RALGAPA1: variants seen among roughly 807,000 people sequenced by gnomAD.
RALGAPA1 encodes Ral GTPase activating protein catalytic subunit alpha 1, also known as ral GTPase-activating protein subunit alpha-1.
A neutral mutation model predicts 269.6 loss-of-function variants in RALGAPA1; 52 were observed. The observed-to-expected ratio is 0.19, with a 90% CI of 0.15 to 0.24. RALGAPA1 has a LOEUF of 0.24. Among genes scored for constraint, RALGAPA1 ranks in the 10% least tolerant of loss-of-function variants. The pLI, the probability that RALGAPA1 is intolerant of heterozygous loss-of-function variation, is 1.00. For missense variants in RALGAPA1, 1,917 were observed against 3,013.9 expected (o/e 0.64, Z 8.52); for synonymous variants, 817 against 1,008.3 (o/e 0.81, Z 3.60).
chr14:35,777,240 G>A (rs892281711), intron 1 of RALGAPA1, among the ~76,000 whole-genome samples: 6 of 152,078 alleles, frequency 3.9e-5, no homozygotes, highest in Non-Finnish European at 8.8e-5. Flanking sequence ...AAAGAAAAAC[G>A]TGAGGTATGA....
intron 16 of RALGAPA1, chr14:35,715,879 T>G (rs1186290624): frequency 1.0e-6 from 1 of 985,252 alleles, no homozygotes; most frequent in African/African-American, 1.7e-5. Context: ...CATCACTCCA[T>G]TTTCCACTCA....
chr14:35,640,042 A>C (rs1471014355), intron 31 of RALGAPA1, among the ~76,000 whole-genome samples: 1 of 152,126 alleles, frequency 6.6e-6, no homozygotes, highest in Non-Finnish European at 1.5e-5. Context: ...AACAAATGAT[A>C]ATGGAAACAC....
intron 22 of RALGAPA1, chr14:35,677,340 T>G (rs1239301061): frequency 6.6e-6 from 1 of 152,606 alleles, no homozygotes; most frequent in Admixed American, 6.5e-5. Flanking sequence ...ATGGCATATT[T>G]GCATATGCCA....
chr14:35,660,089 A>T (rs144497234), intron 27 of RALGAPA1, among the ~76,000 whole-genome samples: 1 of 152,130 alleles, frequency 6.6e-6, no homozygotes. Context: ...AAAAGCTGAA[A>T]GGTTTTACTT....
intron 4 of RALGAPA1, among the ~76,000 whole-genome samples, chr14:35,763,791 TATAG>T (rs888600075): frequency 6.8e-5 from 10 of 147,752 alleles, no homozygotes; most frequent in African/African-American, 1.3e-4. Flanking sequence ...TATATATATA[TATAG>T]AGAGAGAGAG....
chr14:35,677,243 G>A lies in RALGAPA1; in HGVS notation c.4624+707C>T, dbSNP rs1041462967. Reference sequence around the variant, plus strand: ...ATATAGTTTTAAATTTCTTCCTTTCGTCAGAGAATAAATGTGCTACCTTAT... The same window carrying A: ...ATATAGTTTTAAATTTCTTCCTTTCATCAGAGAATAAATGTGCTACCTTAT... On this transcript the variant is annotated intron_variant, in intron 22 of 41. Transcript: ENST00000680220. 10 of 152,204 alleles carry A rather than the reference G, an allele frequency of 6.6e-5. No homozygotes were observed. In the South Asian group the frequency reaches 1.0e-3, roughly 16 times the overall value. The allele number at this position is 152,204 out of a possible 1,614,324, so 9.4% of individuals were successfully genotyped here. A position where few individuals can be genotyped will look rare whatever the true frequency, so the allele number is the denominator to read the frequency against.
intron 37 of RALGAPA1, among the ~76,000 whole-genome samples, chr14:35,594,765 T>C (rs1021302463): frequency 2.0e-5 from 3 of 148,638 alleles, no homozygotes; most frequent in African/African-American, 7.4e-5. Context: ...AAATTAAACA[T>C]AGAACTACCA....
chr14:35,585,755 TG>T (rs2058237530), intron 37 of RALGAPA1, among the ~76,000 whole-genome samples: 1 of 152,166 alleles, frequency 6.6e-6, no homozygotes, highest in African/African-American at 2.4e-5. Flanking sequence ...AAAGATCAGA[TG>T]GTTGTAGATG....
chr14:35,593,939 G>T (rs1290547285), intron 37 of RALGAPA1, among the ~76,000 whole-genome samples: 4 of 151,868 alleles, frequency 2.6e-5, no homozygotes, highest in African/African-American at 7.2e-5. Context: ...AAAAACAGAA[G>T]CATATACCAG....
At position 35,725,038 on chromosome 14, in the gene RALGAPA1, C is replaced by T. The variant is rs2069764561; in HGVS notation, c.1852G>A (p.Gly618Arg). ...KNMTLAGRLA[G>R]PLFQTLIVAW... ...ATTTTTATTGCCTGGAAAAGTGGTC[C>T]TGCAAGTCGACCTGCCAAGGTCATA... Residue 618 changes from glycine to arginine, a missense_variant, in exon 14 of 42, where the codon GGA becomes AGA. Gly to Arg is a moderately radical substitution (Grantham distance 125). Transcript: ENST00000680220. The T allele has an allele frequency of 6.3e-7, 1 of 1,596,456 alleles. No homozygotes were observed. The highest frequency in any genetic ancestry group is 8.5e-7 in the Non-Finnish European group (1 of 1,172,162).
intron 35 of RALGAPA1, among the ~76,000 whole-genome samples, chr14:35,608,422 A>G (rs1289390750): frequency 6.6e-6 from 1 of 152,206 alleles, no homozygotes; most frequent in South Asian, 2.1e-4. Context: ...GGGGAAACCA[A>G]GTTGTTAGAA....
Position 35,809,142 on chromosome 14 carries a change from C to T in RALGAPA1, c.-307G>A. On this transcript the variant is annotated 5_prime_UTR_variant, in exon 1 of 42. Transcript: ENST00000680220. ...TGCCGCCGCCGCTCGTCTCCAGCGG[C>T]CGCCGCTCGCCGCCACAGGCCGGGG... 3.3e-6 allele frequency: 1 copy of T among 300,506 alleles called. No individual in the cohort carries two copies. 18.6% of individuals were successfully genotyped at this position (300,506 alleles called of 1,614,324 possible).
chr14:35,802,045 C>A (rs904177364), intron 1 of RALGAPA1, among the ~76,000 whole-genome samples: 13 of 152,350 alleles, frequency 8.5e-5, no homozygotes, highest in Admixed American at 7.2e-4. Flanking sequence ...TGCTGTGGCT[C>A]ACACCTGTAA....
intron 31 of RALGAPA1, among the ~76,000 whole-genome samples, chr14:35,645,346 G>GGGGTGTGTGTGTGTGTGTGT (rs71445953): frequency 5.6e-4 from 72 of 129,556 alleles, no homozygotes; most frequent in African/African-American, 1.9e-3. Flanking sequence ...TATAGAGATG[G>GGGGTGTGTGTGTGTGTGTGT]GTGTGTGTGT....
At chr14:35,654,512 A>G (rs771954423) in intron 29 of RALGAPA1, 35 bp from the exon 30 acceptor site, 4 of 1,557,826 alleles carry the variant, frequency 2.6e-6, no homozygotes, top group African/African-American at 1.4e-5. Context: ...AAAAATTTTC[A>G]TGATGAACTT....
At chr14:35,757,123 T>A (rs868042825) in intron 6 of RALGAPA1, among the ~76,000 whole-genome samples, 4,832 of 144,256 alleles carry the variant, frequency 0.033, 203 homozygotes, top group African/African-American at 0.1. Context: ...ATTATTATTT[T>A]TTTTTTTTTT....
rs142275689 is a variant in RALGAPA1, at chr14:35,732,814, A to G, written c.1588-4304T>C. The stretch of plus-strand genomic sequence containing the variant: ...AACACAATAATAGTGGGGGACTTCA[A>G]TTCTCCACTGACAGCACTAGACAGG... On this transcript the variant is annotated intron_variant, in intron 12 of 41. Transcript: ENST00000680220. Among the ~76,000 whole-genome samples, 1,093 of 152,342 alleles carry G rather than the reference A, an allele frequency of 7.2e-3. 16 individuals are homozygous for G. The highest frequency in any genetic ancestry group is 0.025 in the African/African-American group (1,038 of 41,570).
intron 35 of RALGAPA1, among the ~76,000 whole-genome samples, chr14:35,609,796 C>G (rs1314992183): frequency 6.6e-6 from 1 of 151,436 alleles, no homozygotes; most frequent in Non-Finnish European, 1.5e-5. Context: ...ATGGTGCACA[C>G]CAGTGGTCCC....
chr14:35,550,765 T>A (rs1310417300), intron 39 of RALGAPA1, among the ~76,000 whole-genome samples: 3 of 152,196 alleles, frequency 2.0e-5, no homozygotes, highest in Non-Finnish European at 4.4e-5. Flanking sequence ...GAATCCCAAT[T>A]CTATTACCTT....
Sources: allele counts gnomAD v4.1 joint callset (sites outside exome capture counted in the v4.1 genomes callset), GRCh38; gene constraint gnomAD v4.1.1; transcripts MANE v1.5; gene names NCBI Gene and HGNC (gene_info 2026-07-23, HGNC 2026-07-21).